Variants in ACADVL observed in about 807,000 individuals in gnomAD.
ACADVL encodes acyl-CoA dehydrogenase very long chain.
ACADVL carries 73 observed loss-of-function variants against 80.4 expected under a neutral mutation model. That is an observed-to-expected ratio of 0.91 (90% CI 0.75 to 1.10). The LOEUF is 1.10. ACADVL is among the 50% of genes least tolerant of loss of function. ACADVL has a pLI of 0.00. For missense variants in ACADVL, 878 were observed against 858.9 expected, an observed-to-expected ratio of 1.02 and a Z score of -0.28; for synonymous variants, 392 against 326.5, an observed-to-expected ratio of 1.20 and a Z score of -2.16.
chr17:7,220,401 C>G, intron 2 of ACADVL, 63 bp from the exon 3 acceptor site: 1 of 1,608,998 alleles, frequency 6.2e-7, no homozygotes. Flanking sequence ...CGGCTCTCGC[C>G]TGTTCTCCCC....
At chr17:7,218,240 CCTGA>C, upstream of ACADVL, 1 of 1,609,062 alleles carries the variant, frequency 6.2e-7, no homozygotes, top group Non-Finnish European at 8.5e-7. Context: ...CACCTCCTTA[CCTGA>C]CTCTCTGAGA....
chr17:7,222,115 G>A (rs750486893), intron 8 of ACADVL, 34 bp downstream of exon 8: 33 of 1,613,912 alleles, frequency 2.0e-5, no homozygotes, highest in Middle Eastern at 1.6e-4. Flanking sequence ...CTTCTCCTCC[G>A]CCCAATTCCA....
Position 7,221,004 on chromosome 17 carries a change from C to T in ACADVL, c.423C>T (p.Ala141=), listed in dbSNP as rs757296575. The change falls in exon 6 of 20, where the codon GCC becomes GCT. Residue 141 remains alanine (A), a synonymous_variant. Coordinates refer to ENST00000356839, the MANE Select transcript of ACADVL (RefSeq NM_000018.4). The stretch of plus-strand genomic sequence containing the variant: ...GGCAGGGCCTCAAGGAGCTGGGGGC[C>T]TTTGGTCTGCAAGTGCCCAGTGAGC... ...TTWQGLKELG[A]FGLQVPSELG... 5 of 1,614,062 alleles carry T rather than the reference C, an allele frequency of 3.1e-6. No individual in the cohort carries two copies. The Admixed American group carries it at 8.3e-5, about 27-fold the overall frequency.
intron 11 of ACADVL, 136 bp from the exon 12 acceptor site, chr17:7,223,508 T>G: frequency 1.0e-6 from 1 of 999,536 alleles, no homozygotes; most frequent in Admixed American, 1.7e-5. Flanking sequence ...AAGCACCTGA[T>G]GAACTGACCC....
chr17:7,223,468 T>C, intron 11 of ACADVL, 176 bp from the exon 12 acceptor site: 1 of 842,042 alleles, frequency 1.2e-6, no homozygotes, highest in Non-Finnish European at 2.0e-6. Flanking sequence ...ATCCCTTACA[T>C]CCACCCCTTT....
rs893331543 is a variant in ACADVL at position 7,222,382 on chromosome 17, C to T, written c.878+80C>T. On this transcript the variant is annotated intron_variant, in intron 9 of 19. Coordinates refer to ENST00000356839, the MANE Select transcript of ACADVL (RefSeq NM_000018.4). Reference sequence around the variant, plus strand: ...GGGCAGATGGCTGTTGCAAGTCACCCTGGGGACGTGTGCAAAAGCCAAAGC... The same window carrying T: ...GGGCAGATGGCTGTTGCAAGTCACCTTGGGGACGTGTGCAAAAGCCAAAGC... 7.0e-6 allele frequency: 11 copies of T among 1,570,496 alleles called. No homozygotes were observed. The East Asian group carries it at 2.3e-4, about 32-fold the overall frequency.
At chr17:7,217,907 C>G (rs980635015), upstream of ACADVL, 5 of 1,297,464 alleles carry the variant, frequency 3.9e-6, no homozygotes, top group African/African-American at 4.4e-5. Flanking sequence ...GGCCTCTCGG[C>G]AGGCGGTAGG....
upstream of ACADVL, chr17:7,218,738 C>A: frequency 6.3e-7 from 1 of 1,575,512 alleles, no homozygotes; most frequent in Non-Finnish European, 8.7e-7. Flanking sequence ...TTCACCCCAG[C>A]CCCTACGGAA....
In ACADVL at chr17:7,222,041, G is replaced by A. The variant is rs1385214678; in HGVS notation, c.712G>A (p.Gly238Arg). ...AACCTCTGCTGTGCCCAGCCCCTGT[G>A]GAAAATACTATACCCTCAATGGAAG... is the stretch of plus-strand genomic sequence containing the variant. ...IRTSAVPSPC[G>R]KYYTLNGSKL... The change falls in exon 8 of 20, where the codon GGA becomes AGA. Residue 238 changes from glycine (G) to arginine (R), a missense_variant. Transcript: ENST00000356839. 1.9e-6 allele frequency: 3 copies of A among 1,614,094 alleles called. No individual in the cohort carries two copies. Among genetic ancestry groups the A allele is most frequent in the South Asian group, 2.2e-5 (2 of 91,082 alleles).
In ACADVL at chr17:7,221,063, G is replaced by T; in HGVS notation, c.477+5G>T. On this transcript the variant is annotated splice_donor_5th_base_variant and intron_variant, in intron 6 of 19. Coordinates refer to ENST00000356839, the MANE Select transcript of ACADVL (RefSeq NM_000018.4). ...GTGGGCCTTTGCAACACCCAGGTGA[G>T]GGCGCCCTATCGCCACATCCCAGTA... The T allele has an allele frequency of 6.2e-7, 1 of 1,613,284 alleles. No individual in the cohort carries two copies. Among genetic ancestry groups the T allele is most frequent in the South Asian group, 1.1e-5 (1 of 91,048 alleles).
chr17:7,221,730 G>T, intron 7 of ACADVL, 48 bp downstream of exon 7: 1 of 1,612,904 alleles, frequency 6.2e-7, no homozygotes, highest in South Asian at 1.1e-5. Context: ...CACTGGGCTT[G>T]GCACAGATTA....
Position 7,224,400 on chromosome 17 carries a change from G to C in ACADVL, c.1605+7G>C, listed in dbSNP as rs572010910. 27 of 1,613,732 alleles carry C rather than the reference G, an allele frequency of 1.7e-5. No homozygotes were observed. The South Asian group carries it at 2.9e-4, about 17-fold the overall frequency. Reference sequence around the variant, plus strand: ...GAGTCGGAGTGGCGAGCTGGTAAGTGGCCAGGGGTCCAGGAGAGCCTGCAT... The same window carrying C: ...GAGTCGGAGTGGCGAGCTGGTAAGTCGCCAGGGGTCCAGGAGAGCCTGCAT... On this transcript the variant is annotated splice_region_variant and intron_variant, in intron 16 of 19. Coordinates refer to ENST00000356839, the MANE Select transcript of ACADVL (RefSeq NM_000018.4).
chr17:7,219,908 G>A (rs1226261200), upstream of ACADVL: 1 of 1,559,928 alleles, frequency 6.4e-7, no homozygotes, highest in South Asian at 1.2e-5. Flanking sequence ...TCAGGGTTAG[G>A]GGCGCCAGGA....
At chr17:7,219,586 C>CT, upstream of ACADVL, 1 of 1,136,502 alleles carries the variant, frequency 8.8e-7, no homozygotes. Flanking sequence ...CCTCTGCCAT[C>CT]TACCTTACAC....
At chr17:7,224,573 T>C in intron 17 of ACADVL, 21 bp downstream of exon 17, 1 of 1,608,930 alleles carries the variant, frequency 6.2e-7, no homozygotes, top group African/African-American at 1.3e-5. Flanking sequence ...TCTACACCAT[T>C]CCGCCCCTCC....
chr17:7,221,431 GT>G lies in ACADVL; in HGVS notation c.478-106del, dbSNP rs370388543. 913,700 of 1,487,032 alleles carry G rather than the reference GT, an allele frequency of 0.61. 269,081 individuals carry two copies. Among genetic ancestry groups the G allele is most frequent in the Middle Eastern group, 0.72 (3,343 of 4,646 alleles). 92.1% of individuals were successfully genotyped at this position (1,487,032 alleles called of 1,614,324 possible). On this transcript the variant is annotated intron_variant, in intron 6 of 19. Coordinates refer to ENST00000356839, the MANE Select transcript of ACADVL (RefSeq NM_000018.4). ...TGGCCCAGGTCAGGCACTGCCCTAG[GT>G]CAGGAACTGCCCTAGGTCAGGAACT...
intron 17 of ACADVL, 34 bp from the exon 18 acceptor site, chr17:7,224,608 C>CGGG: frequency 1.4e-6 from 2 of 1,459,396 alleles, no homozygotes; most frequent in Non-Finnish European, 1.9e-6. Flanking sequence ...AGACTAATGC[C>CGGG]CCCACCCCCA....
At chr17:7,218,089 G>C (rs1450812642), upstream of ACADVL, among the ~76,000 whole-genome samples, 2 of 152,020 alleles carry the variant, frequency 1.3e-5, no homozygotes, top group East Asian at 3.9e-4. Flanking sequence ...ACCACAGAGA[G>C]TGCATTCTCG....
upstream of ACADVL, chr17:7,219,637 G>A (rs79809891): frequency 5.5e-3 from 6,815 of 1,239,582 alleles, 316 homozygotes; most frequent in African/African-American, 0.096. Context: ...CACCGGAGAA[G>A]CCCTCCCTTC....
Sources: allele counts gnomAD v4.1 joint callset (sites outside exome capture counted in the v4.1 genomes callset), GRCh38; gene constraint gnomAD v4.1.1; transcripts MANE v1.5; gene names NCBI Gene and HGNC (gene_info 2026-07-23, HGNC 2026-07-21).